Variants in DSG4 observed in about 807,000 individuals in gnomAD.
The protein encoded by DSG4 is desmoglein-4.
In DSG4, 87 loss-of-function variants were observed where a neutral mutation model predicts 93.1. The ratio of observed to expected loss-of-function variants is 0.93; its 90% confidence interval spans 0.79 to 1.12. The LOEUF (loss-of-function observed/expected upper bound fraction) is 1.12. DSG4 is among the 50% of genes most tolerant of loss of function. The pLI, the probability that DSG4 is intolerant of heterozygous loss-of-function variation, is 0.00. For synonymous variants in DSG4, 432 were observed against 452.9 expected (o/e 0.95, Z 0.59); for missense variants, 1,373 against 1,285.7 (o/e 1.07, Z -1.04).
At chr18:31,393,584 A>C (rs775774865) in intron 8 of DSG4, among the ~76,000 whole-genome samples, 1 of 151,956 alleles carries the variant, frequency 6.6e-6, no homozygotes, top group Non-Finnish European at 1.5e-5. Context: ...ATGGTGGTAA[A>C]CCATTCGTGA....
intron 5 of DSG4, among the ~76,000 whole-genome samples, chr18:31,390,406 T>C (rs1173596885): frequency 6.6e-6 from 1 of 152,170 alleles, no homozygotes; most frequent in Non-Finnish European, 1.5e-5. Context: ...AGAACTATGT[T>C]TAGCCACTAA....
At chr18:31,388,785 G>C in intron 4 of DSG4, 89 bp from the exon 5 acceptor site, 2 of 1,595,170 alleles carry the variant, frequency 1.3e-6, no homozygotes, top group Non-Finnish European at 1.7e-6. Context: ...GGAAAAAATT[G>C]TTTCTTTGCC....
chr18:31,403,449 G>A lies in DSG4; in HGVS notation c.1451G>A (p.Cys484Tyr), dbSNP rs760280361. ...GGAAAAACAGCTACAGGAACCATAT[G>A]TATTGAGGTTCCTGATATCAATGAT... ...GSGKTATGTI[C>Y]IEVPDINDYC... is the part of the protein sequence containing the mutation. Residue 484 changes from cysteine (C) to tyrosine (Y), a missense_variant, in exon 11 of 16, where the codon TGT (cysteine) becomes TAT (tyrosine). Coordinates refer to ENST00000308128, the MANE Select transcript of DSG4 (RefSeq NM_177986.5). The A allele has an allele frequency of 1.2e-6, 2 of 1,613,614 alleles. No individual in the cohort carries two copies. Among genetic ancestry groups the A allele is most frequent in the Non-Finnish European group, 1.7e-6 (2 of 1,179,768 alleles).
intron 8 of DSG4, among the ~76,000 whole-genome samples, chr18:31,395,588 G>A (rs942157102): frequency 7.9e-5 from 12 of 152,194 alleles, no homozygotes; most frequent in African/African-American, 2.9e-4. Flanking sequence ...TCTGGAATGA[G>A]GTTACTAATG....
At chr18:31,401,275 A>T (rs928219713) in intron 10 of DSG4, among the ~76,000 whole-genome samples, 1 of 152,224 alleles carries the variant, frequency 6.6e-6, no homozygotes, top group African/African-American at 2.4e-5. Context: ...AATATAATTC[A>T]TCTTCTGATT....
chr18:31,406,970 G>T (rs1172181055), intron 12 of DSG4, among the ~76,000 whole-genome samples: 1 of 152,026 alleles, frequency 6.6e-6, no homozygotes, highest in Admixed American at 6.6e-5. Context: ...TAGAGACGGG[G>T]TTTCACCATG....
chr18:31,401,279 T>C (rs1449041093), intron 10 of DSG4, among the ~76,000 whole-genome samples: 19 of 152,216 alleles, frequency 1.2e-4, no homozygotes, highest in Admixed American at 1.2e-3. Context: ...TAATTCATCT[T>C]CTGATTATGA....
intron 1 of DSG4, among the ~76,000 whole-genome samples, chr18:31,380,036 G>C (rs1446903037): frequency 6.6e-6 from 1 of 152,150 alleles, no homozygotes; most frequent in Non-Finnish European, 1.5e-5. Context: ...ATTACTAAAT[G>C]TATTTTAAAT....
At chr18:31,389,185 A>T (rs2072223028) in intron 5 of DSG4, among the ~76,000 whole-genome samples, 167 bp downstream of exon 5, 1 of 152,182 alleles carries the variant, frequency 6.6e-6, no homozygotes, top group Non-Finnish European at 1.5e-5. Context: ...AAAAGAAATC[A>T]TGTCTAAAAT....
intron 11 of DSG4, among the ~76,000 whole-genome samples, chr18:31,405,388 A>G (rs1259866699): frequency 6.6e-6 from 1 of 152,194 alleles, no homozygotes; most frequent in Non-Finnish European, 1.5e-5. Context: ...AATCCTAAAT[A>G]GAAGACTTCT....
intron 10 of DSG4, among the ~76,000 whole-genome samples, chr18:31,402,173 A>C (rs1259432762): frequency 6.6e-6 from 1 of 152,240 alleles, no homozygotes; most frequent in Non-Finnish European, 1.5e-5. Flanking sequence ...CCAGAAACAA[A>C]GCTGATTGTT....
rs1414605010 is a variant in DSG4 at position 31,390,661 on chromosome 18, T to C, written c.523T>C (p.Leu175=). Residue 175 remains leucine, a synonymous_variant, in exon 6 of 16, where the codon TTG becomes CTG. Transcript: ENST00000308128. ...SIEENSDANT[L]VVKLCATDAD... is the part of the protein sequence containing the mutation. ...ACCTCCATTTCTATTTCTAGATACA[T>C]TGGTAGTAAAGTTATGTGCCACAGA... The C allele has an allele frequency of 2.5e-6, 4 of 1,613,448 alleles. No homozygotes were observed. The highest frequency in any genetic ancestry group is 2.7e-5 in the African/African-American group (2 of 74,994).
At position 31,391,188 on chromosome 18, in the gene DSG4, T is replaced by A; in HGVS notation, c.795T>A (p.Asn265Lys). ...TCAAGGTTTTAGACGTCAACGATAA[T>A]TTCCCCACCTTAGAGAAAACTTCAG... Reference protein sequence around the residue: ...CRIKVLDVNDNFPTLEKTSYS... With the variant: ...CRIKVLDVNDKFPTLEKTSYS... The change falls in exon 7 of 16, where the codon AAT becomes AAA. Residue 265 changes from asparagine (N) to lysine (K), a missense_variant. Coordinates refer to ENST00000308128, the MANE Select transcript of DSG4 (RefSeq NM_177986.5). The A allele has an allele frequency of 1.2e-6, 2 of 1,613,664 alleles. No homozygotes were observed. The highest frequency in any genetic ancestry group is 1.7e-6 in the Non-Finnish European group (2 of 1,179,678).
intron 1 of DSG4, among the ~76,000 whole-genome samples, chr18:31,377,316 T>C (rs1456240802): frequency 6.6e-6 from 1 of 152,104 alleles, no homozygotes; most frequent in Admixed American, 6.6e-5. Context: ...TGCAAATGGG[T>C]TCTAAATTTG....
chr18:31,396,330 T>C (rs2072304660), intron 8 of DSG4, among the ~76,000 whole-genome samples: 1 of 146,120 alleles, frequency 6.8e-6, no homozygotes, highest in Non-Finnish European at 1.5e-5. Context: ...TCCTCACAAC[T>C]CTCGGAAGAA....
chr18:31,412,974 A>G lies in DSG4; in HGVS notation c.2502A>G (p.Glu834=). ...IVDDLDESCM[E]TLDPKFRTLA... is the part of the protein sequence containing the mutation. ...ATGACTTAGATGAAAGCTGCATGGA[A>G]ACTTTAGATCCAAAATTTAGGACTC... The change falls in exon 16 of 16, where the codon GAA becomes GAG. Residue 834 remains glutamate, a synonymous_variant. Coordinates refer to ENST00000308128, the MANE Select transcript of DSG4 (RefSeq NM_177986.5). 2 of 1,614,150 alleles carry G rather than the reference A, an allele frequency of 1.2e-6. No individual in the cohort carries two copies. Among genetic ancestry groups the G allele is most frequent in the Admixed American group, 1.7e-5 (1 of 60,018 alleles).
intron 14 of DSG4, 112 bp downstream of exon 14, chr18:31,409,920 C>T: frequency 8.0e-7 from 1 of 1,243,440 alleles, no homozygotes; most frequent in Non-Finnish European, 1.1e-6. Context: ...CTTTGGGTGA[C>T]AGTATAATTA....
At chr18:31,393,213 A>G (rs2072268504) in intron 8 of DSG4, among the ~76,000 whole-genome samples, 1 of 152,184 alleles carries the variant, frequency 6.6e-6, no homozygotes. Flanking sequence ...ATGTACACAC[A>G]TATTTTTAGC....
At position 31,412,010 on chromosome 18, in the gene DSG4, A is replaced by G. The variant is rs551591310; in HGVS notation, c.2355+562A>G. Among the ~76,000 whole-genome samples, 3 of 152,274 alleles carry G rather than the reference A, an allele frequency of 2.0e-5. No homozygotes were observed. In the South Asian group the frequency reaches 6.2e-4, roughly 32 times the overall value. On this transcript the variant is annotated intron_variant, in intron 15 of 15. Coordinates refer to ENST00000308128, the MANE Select transcript of DSG4 (RefSeq NM_177986.5). ...CTTCACTACGAAAAGGGGTCCAGCA[A>G]TAGCACTGCTGGGTATATATCCAAA...
Sources: gnomAD v4.1 joint callset for allele counts (sites outside exome capture counted in the v4.1 genomes callset) on GRCh38, gnomAD v4.1.1 for gene constraint, MANE v1.5 for transcripts, NCBI Gene and HGNC (gene_info 2026-07-23, HGNC 2026-07-21) for gene names.